ABCA1: variants seen among roughly 807,000 people sequenced by gnomAD.
ABCA1 encodes the protein phospholipid-transporting ATPase ABCA1.
ABCA1 carries 133 observed loss-of-function variants against 262.5 expected under a neutral mutation model. That is an observed-to-expected ratio of 0.51 (90% confidence interval 0.44 to 0.59). ABCA1 has a LOEUF of 0.59. ABCA1 is among the 20% of genes least tolerant of loss of function. The pLI, the probability that ABCA1 is intolerant of heterozygous loss-of-function variation, is 0.00. For synonymous variants in ABCA1, 1,022 were observed against 1,043.5 expected (o/e 0.98, Z 0.40); for missense variants, 2,452 against 2,777.5 (o/e 0.88, Z 2.63).
At chr9:104,855,931 T>C (rs1449444605) in intron 7 of ABCA1, 32 of 1,612,860 alleles carry the variant, frequency 2.0e-5, no homozygotes, top group Non-Finnish European at 2.5e-5. Context: ...TTTCAAAATA[T>C]GTCTCTCGTG....
intron 2 of ABCA1, among the ~76,000 whole-genome samples, chr9:104,895,321 G>C (rs970652529): frequency 6.6e-6 from 1 of 152,236 alleles, no homozygotes; most frequent in Non-Finnish European, 1.5e-5. Context: ...GGCACTGCTA[G>C]AGCAGATTTT....
chr9:104,864,112 C>A (rs1474724784), intron 5 of ABCA1, among the ~76,000 whole-genome samples: 1 of 152,204 alleles, frequency 6.6e-6, no homozygotes, highest in East Asian at 1.9e-4. Context: ...AATATGCGTT[C>A]TTAGTACCAC....
intron 44 of ABCA1, 108 bp from the exon 45 acceptor site, chr9:104,788,675 C>T: frequency 3.0e-6 from 4 of 1,327,240 alleles, no homozygotes; most frequent in Admixed American, 1.7e-5. Flanking sequence ...ACAAAGATAC[C>T]AATACATCTG....
chr9:104,832,171 CCTA>C (rs994181081), intron 12 of ABCA1, among the ~76,000 whole-genome samples: 7 of 152,118 alleles, frequency 4.6e-5, no homozygotes, highest in Non-Finnish European at 8.8e-5. Flanking sequence ...CTTACCCATC[CCTA>C]CTAATATAAT....
At chr9:104,793,359 C>T in intron 40 of ABCA1, 59 bp from the exon 41 acceptor site, 1 of 1,612,360 alleles carries the variant, frequency 6.2e-7, no homozygotes, top group Non-Finnish European at 8.5e-7. Flanking sequence ...CATGGCCCTT[C>T]CTCAAATTTG....
At chr9:104,891,991 A>G (rs1232668035) in intron 2 of ABCA1, among the ~76,000 whole-genome samples, 1 of 151,174 alleles carries the variant, frequency 6.6e-6, no homozygotes, top group African/African-American at 2.4e-5. Flanking sequence ...AAAAAAAAAA[A>G]AAAAAGTGAT....
intron 6 of ABCA1, among the ~76,000 whole-genome samples, chr9:104,859,372 C>T (rs918794692): frequency 6.7e-6 from 1 of 148,502 alleles, no homozygotes; most frequent in Non-Finnish European, 1.5e-5. Context: ...AACTATTCTA[C>T]TTCATACGTG....
chr9:104,875,351 C>CAAAAAAAA (rs749025515), intron 5 of ABCA1, among the ~76,000 whole-genome samples: 1 of 63,992 alleles, frequency 1.6e-5, no homozygotes, highest in African/African-American at 5.9e-5. Flanking sequence ...GACTCCATCT[C>CAAAAAAAA]AAAAAAAAAA....
chr9:104,794,512 T>TAA lies in ABCA1; in HGVS notation c.5383-4_5383-3dup, dbSNP rs77663187. The stretch of plus-strand genomic sequence containing the variant: ...GATATCATTGATATTATTCAGCTTC[T>TAA]AAAAAAAAAAAAAAAAAATGGGAGG... On this transcript the variant is annotated splice_polypyrimidine_tract_variant and splice_region_variant and intron_variant, in intron 39 of 49. Transcript: ENST00000374736. 204,891 of 1,243,454 alleles carry TAA rather than the reference T, an allele frequency of 0.16. 2,516 individuals carry two copies. The highest frequency in any genetic ancestry group is 0.17 in the Non-Finnish European group (162,963 of 936,346). The allele number at this position is 1,243,454 out of a possible 1,614,324, so 77.0% of individuals were successfully genotyped here. A position where few individuals can be genotyped will look rare whatever the true frequency, so the allele number is the denominator to read the frequency against.
At chr9:104,907,037 G>T (rs1296307116) in intron 1 of ABCA1, among the ~76,000 whole-genome samples, 2 of 152,112 alleles carry the variant, frequency 1.3e-5, no homozygotes, top group African/African-American at 4.8e-5. Context: ...CCTTTTGCCA[G>T]CTCCTCAGCA....
At chr9:104,799,607 T>A (rs771364108) in intron 36 of ABCA1, 22 of 985,346 alleles carry the variant, frequency 2.2e-5, no homozygotes, top group Non-Finnish European at 2.5e-5. Flanking sequence ...GATTTTTACA[T>A]ATCAGTGTCA....
Position 104,922,338 on chromosome 9 carries a change from C to T in ABCA1, c.-93+5597G>A, listed in dbSNP as rs141963984. On this transcript the variant is annotated intron_variant, in intron 1 of 49. Coordinates refer to ENST00000374736, the MANE Select transcript of ABCA1 (RefSeq NM_005502.4). Reference sequence around the variant, plus strand: ...ATACTCAAATGAAAATAGAGAATCCCTTTTGGCCTTTTGCTAATATTTCAT... The same window carrying T: ...ATACTCAAATGAAAATAGAGAATCCTTTTTGGCCTTTTGCTAATATTTCAT... Among the ~76,000 whole-genome samples the T allele has an allele frequency of 8.7e-4, 133 of 152,264 alleles. No individual in the cohort carries two copies. In the East Asian group the frequency reaches 0.023, roughly 26 times the overall value.
At chr9:104,814,066 G>A (rs1251031918) in intron 27 of ABCA1, 52 bp downstream of exon 27, 5 of 1,567,880 alleles carry the variant, frequency 3.2e-6, no homozygotes, top group Non-Finnish European at 4.4e-6. Flanking sequence ...GAGCATGAGA[G>A]AGAATTTCAC....
chr9:104,877,557 G>A (rs1838263383), intron 5 of ABCA1, among the ~76,000 whole-genome samples: 1 of 152,210 alleles, frequency 6.6e-6, no homozygotes, highest in African/African-American at 2.4e-5. Context: ...GAAACTTAAG[G>A]CCCAGAGAGG....
At chr9:104,863,195 C>G (rs2119115871) in intron 5 of ABCA1, among the ~76,000 whole-genome samples, 1 of 152,252 alleles carries the variant, frequency 6.6e-6, no homozygotes, top group East Asian at 1.9e-4. Context: ...TTCTGAACCT[C>G]AATTTCTTGA....
At chr9:104,830,668 C>T (rs1423706276) in intron 14 of ABCA1, among the ~76,000 whole-genome samples, 5 of 151,052 alleles carry the variant, frequency 3.3e-5, no homozygotes, top group East Asian at 1.9e-4. Context: ...CCAGCCTGGG[C>T]GTCAGAGCGA....
rs769145294 is a variant in ABCA1 at position 104,829,104 on chromosome 9, A to G, written c.1927T>C (p.Phe643Leu). ...GAGTAAATCCAGGCCAGCGTCATGA[A>G]GAGGGGCATTGACCGGCTCATCACC... is the stretch of plus-strand genomic sequence containing the variant. ...LRVMSRSMPL[F>L]MTLAWIYSVA... The change falls in exon 15 of 50, where the codon TTC (phenylalanine) becomes CTC (leucine). Residue 643 changes from phenylalanine to leucine, a missense_variant. Around this residue, in one of 4 missense-constraint regions of ABCA1, gnomAD observed 1,032 missense variants for 1,089.7 expected, o/e 0.95. Coordinates refer to ENST00000374736, the MANE Select transcript of ABCA1 (RefSeq NM_005502.4). The G allele has an allele frequency of 1.2e-6, 2 of 1,614,098 alleles. No individual in the cohort carries two copies. The highest frequency in any genetic ancestry group is 1.7e-6 in the Non-Finnish European group (2 of 1,180,052).
At chr9:104,895,811 A>T (rs1046273032) in intron 2 of ABCA1, among the ~76,000 whole-genome samples, 4 of 152,148 alleles carry the variant, frequency 2.6e-5, no homozygotes, top group African/African-American at 9.7e-5. Context: ...GCCTGAGGAC[A>T]CAGTCACGGT....
rs2066718 is a variant in ABCA1, at chr9:104,826,974, C to G, written c.2311G>C (p.Val771Leu). The G allele has an allele frequency of 3.5e-4, 571 of 1,614,050 alleles. 1 individual carries two copies. In the African/African-American group the frequency reaches 6.5e-3, roughly 18 times the overall value. The change falls in exon 16 of 50, where the codon GTG (valine) becomes CTG (leucine). Residue 771 changes from valine (V) to leucine (L), a missense_variant. Val to Leu is a conservative substitution (Grantham distance 32). Around this residue, in one of 4 missense-constraint regions of ABCA1, gnomAD observed 1,032 missense variants for 1,089.7 expected, o/e 0.95. Transcript: ENST00000374736. The stretch of plus-strand genomic sequence containing the variant: ...GCGAAGATCTTGAGTGTGAAGCCCA[C>G]GTAGTCCTGCCATGCCACACACAGG... Reference protein sequence around the residue: ...YVLCVAWQDYVGFTLKIFASL... With the variant: ...YVLCVAWQDYLGFTLKIFASL...
Sources: gnomAD v4.1 joint callset for allele counts (sites outside exome capture counted in the v4.1 genomes callset) on GRCh38, gnomAD v4.1.1 for gene constraint, gnomAD v4.1.1 regional missense constraint, MANE v1.5 for transcripts, NCBI Gene and HGNC (gene_info 2026-07-23, HGNC 2026-07-21) for gene names.